Variants in PKP4 observed in about 807,000 individuals in gnomAD.
PKP4 encodes plakophilin-4.
In PKP4, 90 loss-of-function variants were observed where a neutral mutation model predicts 145.1. That is an observed-to-expected ratio of 0.62 (90% confidence interval 0.52 to 0.74). The LOEUF is 0.74. Among genes scored for constraint, PKP4 ranks in the 30% least tolerant of loss-of-function variants. The pLI is 0.00. For synonymous variants in PKP4, 563 were observed against 577.2 expected, an observed-to-expected ratio of 0.98 and a Z score of 0.35; for missense variants, 1,340 against 1,482.7, an observed-to-expected ratio of 0.90 and a Z score of 1.58.
chr2:158,589,588 G>C (rs1228103858), intron 3 of PKP4, among the ~76,000 whole-genome samples: 2 of 152,008 alleles, frequency 1.3e-5, no homozygotes, highest in African/African-American at 4.8e-5. Flanking sequence ...ATGTACAAGA[G>C]GTCATATAAA....
intron 2 of PKP4, among the ~76,000 whole-genome samples, chr2:158,575,497 A>AT (rs1363248805): frequency 6.6e-6 from 1 of 152,174 alleles, no homozygotes; most frequent in Non-Finnish European, 1.5e-5. Context: ...GTACAATGGA[A>AT]TTTGTTTCTA....
intron 1 of PKP4, among the ~76,000 whole-genome samples, chr2:158,482,458 G>T (rs1013760805): frequency 7.2e-5 from 11 of 151,934 alleles, no homozygotes; most frequent in African/African-American, 2.7e-4. Context: ...TTATTATGAA[G>T]TTTCTTACTC....
rs199797877 is a variant in PKP4, at chr2:158,459,950, G to GA, written c.-6+2736dup. Among the ~76,000 whole-genome samples the GA allele has an allele frequency of 4.3e-3, 650 of 152,180 alleles. 3 individuals are homozygous for GA. Among genetic ancestry groups the GA allele is most frequent in the African/African-American group, 0.014 (597 of 41,492 alleles). On this transcript the variant is annotated intron_variant, in intron 1 of 21. Transcript: ENST00000389759. ...TTTCAACTAGTGATCCTACACAATTGAAAATAACCGAAATTGTATTTTGAC... is the reference window on the plus strand; with the variant it reads ...TTTCAACTAGTGATCCTACACAATTGAAAAATAACCGAAATTGTATTTTGAC...
chr2:158,608,768 A>C (rs2105864289), intron 4 of PKP4, among the ~76,000 whole-genome samples: 1 of 150,360 alleles, frequency 6.7e-6, no homozygotes, highest in Non-Finnish European at 1.5e-5. Context: ...CAAATTGAAA[A>C]TTTATGAATA....
chr2:158,577,409 A>G, intron 3 of PKP4, 26 bp downstream of exon 3: 2 of 1,404,010 alleles, frequency 1.4e-6, no homozygotes, highest in Non-Finnish European at 2.0e-6. Flanking sequence ...CTCCATCTTT[A>G]TGCACACTCA....
chr2:158,625,919 A>C (rs2052735485), intron 7 of PKP4, among the ~76,000 whole-genome samples: 1 of 152,168 alleles, frequency 6.6e-6, no homozygotes. Context: ...TGGCATTTTA[A>C]CGGTAAATGC....
chr2:158,543,185 G>A (rs2044674489), intron 2 of PKP4, among the ~76,000 whole-genome samples: 2 of 152,034 alleles, frequency 1.3e-5, no homozygotes, highest in African/African-American at 4.8e-5. Context: ...TGGAATATTT[G>A]CAAAATATAC....
At chr2:158,498,760 A>G (rs143174801) in intron 1 of PKP4, among the ~76,000 whole-genome samples, 24 of 150,964 alleles carry the variant, frequency 1.6e-4, no homozygotes, top group African/African-American at 5.4e-4. Context: ...ACTCCTGCTC[A>G]GTTTGTTCAT....
At chr2:158,467,550 A>AAC in intron 1 of PKP4, among the ~76,000 whole-genome samples, 1 of 1,250 alleles carries the variant, frequency 8.0e-4, no homozygotes, top group Non-Finnish European at 3.7e-3. Context: ...AGACCTTGTC[A>AAC]AAAAAAAAAA....
chr2:158,593,336 C>T (rs1173590542), intron 3 of PKP4, among the ~76,000 whole-genome samples: 1 of 152,142 alleles, frequency 6.6e-6, no homozygotes, highest in Non-Finnish European at 1.5e-5. Context: ...TTTCAAATGT[C>T]ACTTGAAATA....
intron 2 of PKP4, among the ~76,000 whole-genome samples, chr2:158,562,750 A>G (rs1320736273): frequency 1.3e-5 from 2 of 152,252 alleles, no homozygotes; most frequent in African/African-American, 4.8e-5. Flanking sequence ...CTTTCAAACT[A>G]TTTGTTTATC....
rs531275699 is a variant in PKP4, at chr2:158,469,097, G to GT, written c.-6+11889dup. 8.2e-4 allele frequency among the ~76,000 whole-genome samples: 118 copies of GT among 144,322 alleles called. 1 individual carries two copies. The highest frequency in any genetic ancestry group is 3.1e-3 in the East Asian group (15 of 4,908). 94.7% of individuals were successfully genotyped at this position (144,322 alleles called of 152,430 possible). A position where few individuals can be genotyped will look rare whatever the true frequency, so the allele number is the denominator to read the frequency against. On this transcript the variant is annotated intron_variant, in intron 1 of 21. Coordinates refer to ENST00000389759, the MANE Select transcript of PKP4 (RefSeq NM_003628.6). ...CCTAGCCAGAAAATACTTTTTTGTTGTTTTTTTTTTGAGATGGAGTCTTGC... is the reference window on the plus strand; with the variant it reads ...CCTAGCCAGAAAATACTTTTTTGTTGTTTTTTTTTTTGAGATGGAGTCTTGC...
At chr2:158,467,771 C>T (rs1322967693) in intron 1 of PKP4, among the ~76,000 whole-genome samples, 1 of 151,958 alleles carries the variant, frequency 6.6e-6, no homozygotes, top group East Asian at 1.9e-4. Context: ...TGCTTGAGCC[C>T]AGGAGGTTGA....
chr2:158,652,450 T>G (rs556660772), intron 11 of PKP4, among the ~76,000 whole-genome samples: 1 of 152,262 alleles, frequency 6.6e-6, no homozygotes, highest in African/African-American at 2.4e-5. Context: ...CGCAGAAGTT[T>G]ATAAAAACCC....
chr2:158,488,310 A>C (rs1694466018), intron 1 of PKP4, among the ~76,000 whole-genome samples: 1 of 152,180 alleles, frequency 6.6e-6, no homozygotes, highest in African/African-American at 2.4e-5. Context: ...ACCCTGACTA[A>C]AGTTCCTTCA....
At chr2:158,630,471 C>T (rs948483214) in intron 7 of PKP4, among the ~76,000 whole-genome samples, 3 of 152,010 alleles carry the variant, frequency 2.0e-5, no homozygotes, top group South Asian at 4.1e-4. Flanking sequence ...AAAGGAAAAA[C>T]AATGATAAAT....
intron 1 of PKP4, among the ~76,000 whole-genome samples, chr2:158,510,131 A>C (rs1024745122): frequency 2.0e-5 from 3 of 152,222 alleles, no homozygotes; most frequent in Admixed American, 2.0e-4. Flanking sequence ...ATGAAATCTG[A>C]TTCTTTCTGA....
chr2:158,521,800 A>G (rs2042395615), intron 1 of PKP4, among the ~76,000 whole-genome samples: 1 of 152,268 alleles, frequency 6.6e-6, no homozygotes, highest in Admixed American at 6.5e-5. Context: ...TAAAACAAAG[A>G]GGAACTTATG....
In PKP4 at chr2:158,621,311, A is replaced by C. The variant is rs113431587; in HGVS notation, c.493A>C (p.Asn165His). The C allele has an allele frequency of 2.2e-5, 35 of 1,614,108 alleles. No individual in the cohort carries two copies. The highest frequency in any genetic ancestry group is 2.8e-5 in the Non-Finnish European group (33 of 1,180,024). ...ATACCAGGAAGCAGGGAGTTTCCAC[A>C]ACAGCCAGAACGTGAGCAAGGCAGA... ...SGYQEAGSFH[N>H]SQNVSKADNR... Residue 165 changes from asparagine to histidine, a missense_variant, in exon 6 of 22, where the codon AAC (asparagine) becomes CAC (histidine). By Grantham distance (68) the Asn-to-His change is moderately conservative (BLOSUM62 1). Coordinates refer to ENST00000389759, the MANE Select transcript of PKP4 (RefSeq NM_003628.6).
Sources: gnomAD v4.1 joint callset for allele counts (sites outside exome capture counted in the v4.1 genomes callset) on GRCh38, gnomAD v4.1.1 for gene constraint, MANE v1.5 for transcripts, NCBI Gene and HGNC (gene_info 2026-07-23, HGNC 2026-07-21) for gene names.